Variants in INSIG1 observed in about 807,000 individuals in gnomAD.
INSIG1 encodes the protein insulin-induced gene 1 protein.
A neutral mutation model predicts 26.5 loss-of-function variants in INSIG1; 14 were observed. That is an observed-to-expected ratio of 0.53 (90% CI 0.35 to 0.83). INSIG1 has a LOEUF of 0.83. Ranked by LOEUF, INSIG1 falls within the 40% of genes least tolerant of loss-of-function variation. The pLI is 0.01. For missense variants in INSIG1, 272 were observed against 368.9 expected (o/e 0.74, Z 2.15); for synonymous variants, 147 against 153.3 (o/e 0.96, Z 0.30).
chr7:155,299,418 C>G (rs1194389596), intron 2 of INSIG1, among the ~76,000 whole-genome samples: 39 of 152,244 alleles, frequency 2.6e-4, no homozygotes, highest in Admixed American at 2.5e-3. Flanking sequence ...TCTTGGCTAT[C>G]ATTGAACCGC....
Position 155,308,613 on chromosome 7 carries a change from A to G in INSIG1, c.*343A>G, listed in dbSNP as rs571920135. On this transcript the variant is annotated 3_prime_UTR_variant, in exon 6 of 6. Coordinates refer to ENST00000340368, the MANE Select transcript of INSIG1 (RefSeq NM_005542.6). ...ATTTCAAAGCCTTGAACTAAGACTC[A>G]ATTACCAACCCGCAGTTTTGTGTCA... The G allele has an allele frequency of 3.8e-6, 1 of 261,648 alleles. No individual in the cohort carries two copies. Among genetic ancestry groups the G allele is most frequent in the African/African-American group, 2.1e-5 (1 of 46,700 alleles). The allele number at this position is 261,648 out of a possible 1,614,324, so 16.2% of individuals were successfully genotyped here.
In INSIG1 at chr7:155,297,914, C is replaced by G. The variant is rs911104979; in HGVS notation, c.-73C>G. On this transcript the variant is annotated 5_prime_UTR_variant, in exon 1 of 6. Coordinates refer to ENST00000340368, the MANE Select transcript of INSIG1 (RefSeq NM_005542.6). ...GGGCCGTGACTCCTCCTTTCCCCCGCCCCGCCTCCGTTCGGAGAGCCGGCG... is the reference window on the plus strand; with the variant it reads ...GGGCCGTGACTCCTCCTTTCCCCCGGCCCGCCTCCGTTCGGAGAGCCGGCG... The G allele has an allele frequency of 1.7e-4, 29 of 167,650 alleles. No individual in the cohort carries two copies. Among genetic ancestry groups the G allele is most frequent in the Non-Finnish European group, 3.3e-4 (26 of 78,716 alleles). The allele number at this position is 167,650 out of a possible 1,614,324, so 10.4% of individuals were successfully genotyped here.
Position 155,308,607 on chromosome 7 carries a change from A to T in INSIG1, c.*337A>T, listed in dbSNP as rs1798001501. 1 of 277,176 alleles carries T rather than the reference A, an allele frequency of 3.6e-6. No individual in the cohort carries two copies. Among genetic ancestry groups the T allele is most frequent in the East Asian group, 6.2e-5 (1 of 16,142 alleles). The allele number at this position is 277,176 out of a possible 1,614,324, so 17.2% of individuals were successfully genotyped here. A position where few individuals can be genotyped will look rare whatever the true frequency, so the allele number is the denominator to read the frequency against. ...TGCCATATTTCAAAGCCTTGAACTA[A>T]GACTCAATTACCAACCCGCAGTTTT... On this transcript the variant is annotated 3_prime_UTR_variant, in exon 6 of 6. Coordinates refer to ENST00000340368, the MANE Select transcript of INSIG1 (RefSeq NM_005542.6).
intron 2 of INSIG1, among the ~76,000 whole-genome samples, chr7:155,300,881 A>G (rs1797765045): frequency 6.6e-6 from 1 of 152,182 alleles, no homozygotes; most frequent in African/African-American, 2.4e-5. Context: ...CCGCAGCTTG[A>G]GGCTTGACCA....
At position 155,309,735 on chromosome 7, in the gene INSIG1, T is replaced by G. The variant is rs1330827818; in HGVS notation, c.*1465T>G. ...TTTGCTTTGTTTTGAGGGAAATGTC[T>G]TGGAGTAAATTTTAAGTTCCTGGAG... is the stretch of plus-strand genomic sequence containing the variant. On this transcript the variant is annotated 3_prime_UTR_variant, in exon 6 of 6. Coordinates refer to ENST00000340368, the MANE Select transcript of INSIG1 (RefSeq NM_005542.6). 1 of 152,232 alleles carries G rather than the reference T, an allele frequency of 6.6e-6. No homozygotes were observed. The highest frequency in any genetic ancestry group is 1.5e-5 in the Non-Finnish European group (1 of 68,036). 9.4% of individuals were successfully genotyped at this position (152,232 alleles called of 1,614,324 possible).
rs997623607 is a variant in INSIG1, at chr7:155,302,577, G to A, written c.704+160G>A. 9.3e-6 allele frequency: 9 copies of A among 971,940 alleles called. No homozygotes were observed. Among genetic ancestry groups the A allele is most frequent in the Middle Eastern group, 2.3e-4 (1 of 4,428 alleles). 60.2% of individuals were successfully genotyped at this position (971,940 alleles called of 1,614,324 possible). The stretch of plus-strand genomic sequence containing the variant: ...AAAATGCTGCTATCCATAACTTAAT[G>A]TAACGCAAAGGAAAACCAAGTAGTA... On this transcript the variant is annotated intron_variant, in intron 4 of 5. Coordinates refer to ENST00000340368, the MANE Select transcript of INSIG1 (RefSeq NM_005542.6). The surrounding 1 kb of genome is among the most constrained non-coding windows in gnomAD (Gnocchi z 4.3).
In INSIG1 at chr7:155,308,233, A is replaced by G. The variant is rs1451579904; in HGVS notation, c.805-8A>G. 1.4e-6 allele frequency: 2 copies of G among 1,458,582 alleles called. No homozygotes were observed. The highest frequency in any genetic ancestry group is 1.9e-6 in the Non-Finnish European group (2 of 1,049,992). The allele number at this position is 1,458,582 out of a possible 1,614,324, so 90.4% of individuals were successfully genotyped here. A position where few individuals can be genotyped will look rare whatever the true frequency, so the allele number is the denominator to read the frequency against. On this transcript the variant is annotated splice_polypyrimidine_tract_variant and splice_region_variant and intron_variant, in intron 5 of 5. Coordinates refer to ENST00000340368, the MANE Select transcript of INSIG1 (RefSeq NM_005542.6). ...CTCTTTCCTTTTTTTTTTCCTTTCT[A>G]CACATAGGGTGTTCCTGAAAAGCCC...
In INSIG1 at chr7:155,309,369, C is replaced by G. The variant is rs1185140507; in HGVS notation, c.*1099C>G. On this transcript the variant is annotated 3_prime_UTR_variant, in exon 6 of 6. Coordinates refer to ENST00000340368, the MANE Select transcript of INSIG1 (RefSeq NM_005542.6). ...TATTTTTTTTAACGTGTGAGATGTT[C>G]GAGAGAAGGTTCTCCATTCATTTCA... is the stretch of plus-strand genomic sequence containing the variant. 6.6e-6 allele frequency: 1 copy of G among 152,494 alleles called. No homozygotes were observed. Among genetic ancestry groups the G allele is most frequent in the Non-Finnish European group, 1.5e-5 (1 of 68,022 alleles). 9.4% of individuals were successfully genotyped at this position (152,494 alleles called of 1,614,324 possible).
intron 5 of INSIG1, among the ~76,000 whole-genome samples, chr7:155,307,752 C>CA (rs1457615406): frequency 6.6e-6 from 1 of 152,206 alleles, no homozygotes; most frequent in East Asian, 1.9e-4. Flanking sequence ...GGTTATAACA[C>CA]AGGCATCAGA....
In INSIG1 at chr7:155,308,502, G is replaced by A; in HGVS notation, c.*232G>A. On this transcript the variant is annotated 3_prime_UTR_variant, in exon 6 of 6. Transcript: ENST00000340368. ...CACTGGCGCCTGTCTGTGCCCTGGA[G>A]CATTCTGCCCAGGCTACGTGGGTTC... is the stretch of plus-strand genomic sequence containing the variant. 1.7e-6 allele frequency: 1 copy of A among 590,576 alleles called. No homozygotes were observed. Among genetic ancestry groups the A allele is most frequent in the African/African-American group, 1.8e-5 (1 of 54,688 alleles). 36.6% of individuals were successfully genotyped at this position (590,576 alleles called of 1,614,324 possible). A position where few individuals can be genotyped will look rare whatever the true frequency, so the allele number is the denominator to read the frequency against.
In INSIG1 at chr7:155,298,285, G is replaced by T. The variant is rs1018050235; in HGVS notation, c.-1G>T. On this transcript the variant is annotated 5_prime_UTR_variant, in exon 2 of 6. Coordinates refer to ENST00000340368, the MANE Select transcript of INSIG1 (RefSeq NM_005542.6). ...AAGCGCCTCTTGGACGCGTGTGACC[G>T]ATGCCCAGATTGCACGACCACTTCT... 1.3e-6 allele frequency: 2 copies of T among 1,484,532 alleles called. No homozygotes were observed. The highest frequency in any genetic ancestry group is 2.5e-5 in the Admixed American group (1 of 39,480). The allele number at this position is 1,484,532 out of a possible 1,614,324, so 92.0% of individuals were successfully genotyped here. A position where few individuals can be genotyped will look rare whatever the true frequency, so the allele number is the denominator to read the frequency against.
chr7:155,305,503 A>G (rs1387540772), intron 5 of INSIG1, among the ~76,000 whole-genome samples: 3 of 152,166 alleles, frequency 2.0e-5, no homozygotes, highest in Non-Finnish European at 4.4e-5. Flanking sequence ...GTTGACTCAC[A>G]AAATGGAAGT....
chr7:155,297,940 G>A lies in INSIG1; in HGVS notation c.-47G>A, dbSNP rs1400219721. The A allele has an allele frequency of 2.1e-5, 4 of 190,750 alleles. No individual in the cohort carries two copies. Among genetic ancestry groups the A allele is most frequent in the Non-Finnish European group, 4.3e-5 (4 of 93,822 alleles). 11.8% of individuals were successfully genotyped at this position (190,750 alleles called of 1,614,324 possible). On this transcript the variant is annotated 5_prime_UTR_variant, in exon 1 of 6. Transcript: ENST00000340368. ...CCCGCCTCCGTTCGGAGAGCCGGCG[G>A]GCGGGCGCCTCTCGGCCAGGTACGC...
chr7:155,304,813 G>A (rs1279593216), intron 5 of INSIG1, among the ~76,000 whole-genome samples: 1 of 152,084 alleles, frequency 6.6e-6, no homozygotes, highest in Non-Finnish European at 1.5e-5. Flanking sequence ...AAGCTTGGGG[G>A]AAAATGTTTG....
rs759364911 is a variant in INSIG1, at chr7:155,301,726, T to C, written c.537+36T>C. 3 of 1,499,984 alleles carry C rather than the reference T, an allele frequency of 2.0e-6. No individual in the cohort carries two copies. The African/African-American group carries it at 4.1e-5, about 21-fold the overall frequency. The allele number at this position is 1,499,984 out of a possible 1,614,324, so 92.9% of individuals were successfully genotyped here. ...TTTTCTGTGCTACGTCCAGAGTATCTTCTTAGGTTATATATTGAAGCGTTT... is the reference window on the plus strand; with the variant it reads ...TTTTCTGTGCTACGTCCAGAGTATCCTCTTAGGTTATATATTGAAGCGTTT... On this transcript the variant is annotated intron_variant, in intron 3 of 5. Transcript: ENST00000340368.
At chr7:155,304,669 G>C (rs1378963208) in intron 5 of INSIG1, among the ~76,000 whole-genome samples, 1 of 152,152 alleles carries the variant, frequency 6.6e-6, no homozygotes, top group Admixed American at 6.5e-5. Context: ...TCGTTTTGAA[G>C]ATAGTTTCAT....
At chr7:155,303,969 T>A in intron 5 of INSIG1, 2 of 626,800 alleles carry the variant, frequency 3.2e-6, no homozygotes, top group Non-Finnish European at 2.3e-6. Context: ...GAAAGGACTT[T>A]GCTTGCCTTT....
chr7:155,306,812 G>A (rs1055454381), intron 5 of INSIG1, among the ~76,000 whole-genome samples: 2 of 144,150 alleles, frequency 1.4e-5, no homozygotes, highest in Non-Finnish European at 3.2e-5. Context: ...CACATAGCTC[G>A]CACCTGCCTT....
chr7:155,303,717 TAA>T, intron 5 of INSIG1: 1 of 403,838 alleles, frequency 2.5e-6, no homozygotes, highest in Non-Finnish European at 4.3e-6. Flanking sequence ...GAAAGTAAAT[TAA>T]AAAAAACAAC....
Sources: allele counts gnomAD v4.1 joint callset (sites outside exome capture counted in the v4.1 genomes callset), GRCh38; gene constraint gnomAD v4.1.1; non-coding constraint Gnocchi (gnomAD v3.1); transcripts MANE v1.5; gene names NCBI Gene and HGNC (gene_info 2026-07-23, HGNC 2026-07-21).